RALGPS1: variants seen among roughly 807,000 people sequenced by gnomAD.
The protein encoded by RALGPS1 is ras-specific guanine nucleotide-releasing factor RalGPS1.
In RALGPS1, 19 loss-of-function variants were observed where a neutral mutation model predicts 78.8. The observed-to-expected ratio is 0.24, with a 90% confidence interval of 0.17 to 0.35. The LOEUF (loss-of-function observed/expected upper bound fraction) is 0.35, where lower values mean the gene tolerates loss of function less well. Among genes scored for constraint, RALGPS1 ranks in the 10% least tolerant of loss-of-function variants. RALGPS1 has a pLI of 1.00. For synonymous variants in RALGPS1, 228 were observed against 256.3 expected (o/e 0.89, Z 1.06); for missense variants, 454 against 688.3 (o/e 0.66, Z 3.81).
At chr9:126,930,023 G>C (rs2131092419) in intron 1 of RALGPS1, among the ~76,000 whole-genome samples, 1 of 151,928 alleles carries the variant, frequency 6.6e-6, no homozygotes, top group South Asian at 2.1e-4. Flanking sequence ...TTAGAGATGG[G>C]GTCTTGCAGT....
intron 8 of RALGPS1, among the ~76,000 whole-genome samples, chr9:127,155,043 A>G (rs187689884): frequency 4.4e-4 from 67 of 152,322 alleles, no homozygotes; most frequent in African/African-American, 1.6e-3. Context: ...GAAGCACTTT[A>G]TAGCACTCTG....
At chr9:127,176,340 C>T (rs1774761009) in intron 11 of RALGPS1, among the ~76,000 whole-genome samples, 1 of 152,218 alleles carries the variant, frequency 6.6e-6, no homozygotes, top group Non-Finnish European at 1.5e-5. Flanking sequence ...TTCTGCCATT[C>T]TAGAACACCT....
chr9:127,123,659 C>T (rs745861516), intron 8 of RALGPS1, among the ~76,000 whole-genome samples: 1 of 152,136 alleles, frequency 6.6e-6, no homozygotes, highest in Non-Finnish European at 1.5e-5. Context: ...TGGAGCCAGC[C>T]GCATAGGTGG....
At chr9:127,011,321 G>A (rs2044322802) in intron 4 of RALGPS1, among the ~76,000 whole-genome samples, 2 of 152,108 alleles carry the variant, frequency 1.3e-5, no homozygotes, top group African/African-American at 2.4e-5. Context: ...GGGATTACAG[G>A]TGCCCGCCAC....
At chr9:127,004,399 G>A (rs1370571812) in intron 4 of RALGPS1, among the ~76,000 whole-genome samples, 4 of 152,222 alleles carry the variant, frequency 2.6e-5, no homozygotes, top group Admixed American at 2.6e-4. Flanking sequence ...ACCTGCCTTG[G>A]CTTCCCAAAG....
chr9:127,019,865 T>C (rs2134133793), intron 4 of RALGPS1, among the ~76,000 whole-genome samples: 1 of 152,180 alleles, frequency 6.6e-6, no homozygotes, highest in East Asian at 1.9e-4. Context: ...TTTCTCTCAA[T>C]TGTATAATGA....
intron 1 of RALGPS1, among the ~76,000 whole-genome samples, chr9:126,938,570 G>T (rs747991788): frequency 2.6e-5 from 4 of 152,232 alleles, no homozygotes; most frequent in Non-Finnish European, 5.9e-5. Flanking sequence ...GTGGGTGGAA[G>T]GGGGAGGGCG....
chr9:127,090,808 A>G (rs570076279), intron 8 of RALGPS1, among the ~76,000 whole-genome samples: 1 of 152,360 alleles, frequency 6.6e-6, no homozygotes, highest in African/African-American at 2.4e-5. Flanking sequence ...GGAGCATGGC[A>G]GACTGAGAGG....
chr9:127,015,159 A>G (rs977135037), intron 4 of RALGPS1, among the ~76,000 whole-genome samples: 29 of 152,234 alleles, frequency 1.9e-4, no homozygotes, highest in African/African-American at 6.8e-4. Context: ...ATACTGGTAG[A>G]AAATCATGGT....
At chr9:127,130,214 C>T (rs977027448) in intron 8 of RALGPS1, among the ~76,000 whole-genome samples, 4 of 152,350 alleles carry the variant, frequency 2.6e-5, no homozygotes, top group African/African-American at 9.6e-5. Flanking sequence ...TCAGTTTCCT[C>T]ATTTAAGAAC....
intron 8 of RALGPS1, chr9:127,108,857 T>G (rs974310632): frequency 9.3e-7 from 1 of 1,072,576 alleles, no homozygotes; most frequent in Non-Finnish European, 1.3e-6. Context: ...ATCCCAGCCT[T>G]CTCGCCAGGC....
intron 4 of RALGPS1, among the ~76,000 whole-genome samples, chr9:127,023,968 C>T (rs111270507): frequency 7.4e-5 from 10 of 135,184 alleles, no homozygotes; most frequent in African/African-American, 2.4e-4. Context: ...ACCTGGGAGG[C>T]GGAGGTTGCA....
intron 1 of RALGPS1, among the ~76,000 whole-genome samples, chr9:126,919,746 T>C (rs748570593): frequency 1.3e-5 from 2 of 152,182 alleles, no homozygotes; most frequent in Non-Finnish European, 2.9e-5. Context: ...GAGCAGATAT[T>C]TACTGGACAA....
intron 14 of RALGPS1, among the ~76,000 whole-genome samples, chr9:127,200,967 T>C (rs1354200711): frequency 3.3e-5 from 5 of 152,258 alleles, no homozygotes; most frequent in African/African-American, 9.6e-5. Flanking sequence ...ATTCATTCAG[T>C]AGCTGTTAAG....
chr9:127,001,755 G>T (rs1384062089), intron 4 of RALGPS1, among the ~76,000 whole-genome samples: 3 of 152,116 alleles, frequency 2.0e-5, no homozygotes, highest in Non-Finnish European at 4.4e-5. Context: ...GTGGAGGCGT[G>T]TGCCTGTAAT....
intron 5 of RALGPS1, 152 bp from the exon 6 acceptor site, chr9:127,049,891 C>T (rs1172542575): frequency 1.6e-6 from 1 of 643,654 alleles, no homozygotes; most frequent in African/African-American, 1.8e-5. Flanking sequence ...TAGAGGAACT[C>T]TTTAACTCAT....
At chr9:127,149,365 A>G (rs925130998) in intron 8 of RALGPS1, among the ~76,000 whole-genome samples, 6 of 152,248 alleles carry the variant, frequency 3.9e-5, no homozygotes, top group African/African-American at 7.2e-5. Context: ...TGGTGCTGAC[A>G]CCAGGATCTT....
intron 1 of RALGPS1, among the ~76,000 whole-genome samples, chr9:126,954,763 C>T (rs527720686): frequency 6.6e-6 from 1 of 152,308 alleles, no homozygotes; most frequent in South Asian, 2.1e-4. Flanking sequence ...GATTGCGCCA[C>T]TGCACTCCAG....
At chr9:126,963,197 T>C (rs1270942965) in intron 2 of RALGPS1, among the ~76,000 whole-genome samples, 1 of 152,182 alleles carries the variant, frequency 6.6e-6, no homozygotes, top group Non-Finnish European at 1.5e-5. Flanking sequence ...TGATTGTGTG[T>C]GTTTGGGGCA....
Sources: gnomAD v4.1 joint callset for allele counts (sites outside exome capture counted in the v4.1 genomes callset) on GRCh38, gnomAD v4.1.1 for gene constraint, MANE v1.5 for transcripts, NCBI Gene and HGNC (gene_info 2026-07-23, HGNC 2026-07-21) for gene names.